The following TRPC4 variants were observed in gnomAD, a reference collection of about 807,000 sequenced individuals.
TRPC4 encodes short transient receptor potential channel 4.
A neutral mutation model predicts 99.4 loss-of-function variants in TRPC4; 49 were observed. That is an observed-to-expected ratio of 0.49 (90% CI 0.39 to 0.63). The LOEUF (loss-of-function observed/expected upper bound fraction) is 0.63, where lower values mean the gene tolerates loss of function less well. Ranked by LOEUF, TRPC4 falls within the 20% of genes least tolerant of loss-of-function variation. The pLI is 0.00. For synonymous variants in TRPC4, 454 were observed against 425.9 expected, an observed-to-expected ratio of 1.07 and a Z score of -0.81; for missense variants, 898 against 1,152.9, an observed-to-expected ratio of 0.78 and a Z score of 3.20.
At chr13:37,699,618 T>A (rs1377019290) in intron 3 of TRPC4, among the ~76,000 whole-genome samples, 1 of 152,178 alleles carries the variant, frequency 6.6e-6, no homozygotes, top group African/African-American at 2.4e-5. Context: ...CTGCAGACTC[T>A]CTTGCCCAAC....
In TRPC4 at chr13:37,692,344, A is replaced by T. The variant is rs771549091; in HGVS notation, c.898-9T>A. ...TTGGGCTGGGCAACAAACTAAACAG[A>T]AGGGAAAGGAAAAGGAAAAATAAGT... On this transcript the variant is annotated splice_polypyrimidine_tract_variant and intron_variant, in intron 3 of 10. Coordinates refer to ENST00000379705, the MANE Select transcript of TRPC4 (RefSeq NM_016179.4). 26 of 1,603,480 alleles carry T rather than the reference A, an allele frequency of 1.6e-5. No homozygotes were observed. Among genetic ancestry groups the T allele is most frequent in the Non-Finnish European group, 2.2e-5 (26 of 1,173,592 alleles).
intron 1 of TRPC4, among the ~76,000 whole-genome samples, chr13:37,868,230 A>G (rs918204582): frequency 1.3e-5 from 2 of 152,202 alleles, no homozygotes; most frequent in African/African-American, 2.4e-5. Flanking sequence ...ATGAAAATCT[A>G]TTCCAACTCA....
intron 8 of TRPC4, among the ~76,000 whole-genome samples, chr13:37,642,304 A>G (rs1951739837): frequency 6.6e-6 from 1 of 152,206 alleles, no homozygotes; most frequent in African/African-American, 2.4e-5. Context: ...GAGCGTTGAT[A>G]TAGAAACTCT....
intron 1 of TRPC4, among the ~76,000 whole-genome samples, chr13:37,791,915 T>C (rs906409701): frequency 2.6e-5 from 4 of 151,578 alleles, no homozygotes; most frequent in African/African-American, 9.7e-5. Flanking sequence ...TTGGCAGGAG[T>C]GCGATGACTA....
chr13:37,806,512 C>G (rs1327954349), intron 1 of TRPC4, among the ~76,000 whole-genome samples: 2 of 151,978 alleles, frequency 1.3e-5, no homozygotes, highest in Non-Finnish European at 2.9e-5. Flanking sequence ...CTCACCAAAC[C>G]CTTATCGATA....
At chr13:37,829,136 C>T (rs148968212) in intron 1 of TRPC4, among the ~76,000 whole-genome samples, 1,690 of 152,188 alleles carry the variant, frequency 0.011, 35 homozygotes, top group African/African-American at 0.039. Flanking sequence ...AAAATTAAAA[C>T]GCTTTTCCTT....
intron 5 of TRPC4, among the ~76,000 whole-genome samples, chr13:37,664,792 A>G (rs1322756018): frequency 6.6e-6 from 1 of 152,140 alleles, no homozygotes; most frequent in African/African-American, 2.4e-5. Context: ...TTTATAGCAC[A>G]TTTTACATCC....
intron 1 of TRPC4, among the ~76,000 whole-genome samples, chr13:37,862,767 C>T (rs776140331): frequency 4.6e-5 from 7 of 151,438 alleles, no homozygotes; most frequent in Non-Finnish European, 1.0e-4. Flanking sequence ...ATCTCTGTAT[C>T]CTCAGAATCT....
chr13:37,701,042 C>G (rs1185606787), intron 3 of TRPC4, among the ~76,000 whole-genome samples: 2 of 152,084 alleles, frequency 1.3e-5, no homozygotes, highest in Non-Finnish European at 2.9e-5. Flanking sequence ...TTGGAAACAG[C>G]AGAGGCAACA....
chr13:37,768,854 TTGCCTACTTTC>T (rs1357868860), intron 2 of TRPC4, among the ~76,000 whole-genome samples: 1 of 151,374 alleles, frequency 6.6e-6, no homozygotes. Context: ...AAAACAACCT[TTGCCTACTTTC>T]TGCTTTTTGG....
intron 1 of TRPC4, among the ~76,000 whole-genome samples, chr13:37,835,480 A>G (rs536334396): frequency 6.6e-6 from 1 of 152,184 alleles, no homozygotes; most frequent in South Asian, 2.1e-4. Context: ...TACAAACACC[A>G]TGGGTTTCTT....
chr13:37,860,967 A>C (rs1959272607), intron 1 of TRPC4, among the ~76,000 whole-genome samples: 1 of 151,630 alleles, frequency 6.6e-6, no homozygotes, highest in Non-Finnish European at 1.5e-5. Context: ...AACCTGAAAC[A>C]CTTCTAAAAT....
chr13:37,863,708 T>C (rs1206169329), intron 1 of TRPC4, among the ~76,000 whole-genome samples: 1 of 151,636 alleles, frequency 6.6e-6, no homozygotes, highest in African/African-American at 2.4e-5. Context: ...GATTCTCTGT[T>C]CTTCACTCCA....
At chr13:37,783,851 T>C (rs1196705781) in intron 1 of TRPC4, among the ~76,000 whole-genome samples, 1 of 152,006 alleles carries the variant, frequency 6.6e-6, no homozygotes, top group Non-Finnish European at 1.5e-5. Context: ...GTCATATATT[T>C]GTTTTTTGTT....
In TRPC4 at chr13:37,633,898, A is replaced by G. The variant is rs1248564374; in HGVS notation, c.*3005T>C. 6.6e-6 allele frequency among the ~76,000 whole-genome samples: 1 copy of G among 152,144 alleles called. No homozygotes were observed. The highest frequency in any genetic ancestry group is 1.5e-5 in the Non-Finnish European group (1 of 67,996). ...GAAGTTAATATAGATTTATTTGCAC[A>G]GAAATTTTAAGGAAAACCTTTATTA... On this transcript the variant is annotated 3_prime_UTR_variant, in exon 11 of 11. Coordinates refer to ENST00000379705, the MANE Select transcript of TRPC4 (RefSeq NM_016179.4).
In TRPC4 at chr13:37,779,032, G is replaced by T. The variant is rs372981487; in HGVS notation, c.378+3924C>A. On this transcript the variant is annotated intron_variant, in intron 2 of 10. Coordinates refer to ENST00000379705, the MANE Select transcript of TRPC4 (RefSeq NM_016179.4). ...TGCTGTGTCAGAACCTCTGCAGGTA[G>T]GTCCTAGTAGTCTGTGTTGTAACAA... 2.0e-5 allele frequency among the ~76,000 whole-genome samples: 3 copies of T among 152,094 alleles called. No individual in the cohort carries two copies. The East Asian group carries it at 5.8e-4, about 30-fold the overall frequency.
intron 1 of TRPC4, among the ~76,000 whole-genome samples, chr13:37,785,128 T>C (rs2139360206): frequency 6.6e-6 from 1 of 152,240 alleles, no homozygotes. Context: ...AAGGAGAATT[T>C]AATATTCCCC....
intron 1 of TRPC4, among the ~76,000 whole-genome samples, chr13:37,829,021 A>C (rs1162610979): frequency 1.3e-5 from 2 of 152,238 alleles, no homozygotes; most frequent in Non-Finnish European, 2.9e-5. Context: ...TTCTTATTGA[A>C]AACATAGGTA....
In TRPC4 at chr13:37,725,203, G is replaced by A. The variant is rs1486927784; in HGVS notation, c.897+20734C>T. On this transcript the variant is annotated intron_variant, in intron 3 of 10. Coordinates refer to ENST00000379705, the MANE Select transcript of TRPC4 (RefSeq NM_016179.4). ...AAATTGTCTAGTTTGAGGAACAGAGGGAAAAAATGAAAGAAGATGAACAGA... is the reference window on the plus strand; with the variant it reads ...AAATTGTCTAGTTTGAGGAACAGAGAGAAAAAATGAAAGAAGATGAACAGA... 2.0e-5 allele frequency among the ~76,000 whole-genome samples: 3 copies of A among 151,936 alleles called. No individual in the cohort carries two copies. The East Asian group carries it at 5.8e-4, about 29-fold the overall frequency.
Sources: allele counts gnomAD v4.1 joint callset (sites outside exome capture counted in the v4.1 genomes callset), GRCh38; gene constraint gnomAD v4.1.1; transcripts MANE v1.5; gene names NCBI Gene and HGNC (gene_info 2026-07-23, HGNC 2026-07-21).